SUMF1: variants seen among roughly 807,000 people sequenced by gnomAD.
SUMF1 encodes formylglycine-generating enzyme.
A neutral mutation model predicts 47.6 loss-of-function variants in SUMF1; 48 were observed. The ratio of observed to expected loss-of-function variants is 1.01; its 90% confidence interval spans 0.80 to 1.28. SUMF1 has a LOEUF of 1.28. Ranked by LOEUF, SUMF1 falls within the 50% of genes most tolerant of loss-of-function variation. The pLI, the probability that SUMF1 is intolerant of heterozygous loss-of-function variation, is 0.00. For synonymous variants in SUMF1, 230 were observed against 192.1 expected, an observed-to-expected ratio of 1.20 and a Z score of -1.63; for missense variants, 571 against 485.4, an observed-to-expected ratio of 1.18 and a Z score of -1.66.
At chr3:4,170,662 T>C (rs576216535) in intron 8 of SUMF1, among the ~76,000 whole-genome samples, 2 of 152,028 alleles carry the variant, frequency 1.3e-5, no homozygotes, top group East Asian at 1.9e-4. Context: ...GAGTAGAGAG[T>C]CTGGGATTAA....
chr3:4,320,480 C>T (rs1403010812), intron 8 of SUMF1, among the ~76,000 whole-genome samples: 3 of 151,978 alleles, frequency 2.0e-5, no homozygotes, highest in African/African-American at 7.3e-5. Context: ...CAAATGGAAG[C>T]CTCAGAAAAA....
chr3:4,036,849 CAAAAAAAAAAAAAAA>C (rs3048145), intron 9 of SUMF1, among the ~76,000 whole-genome samples: 67 of 75,154 alleles, frequency 8.9e-4, no homozygotes, highest in African/African-American at 3.5e-3. Flanking sequence ...GTCAGTGAGG[CAAAAAAAAAAAAAAA>C]AAAAAAAAAG....
chr3:4,236,530 G>A (rs911683496), intron 8 of SUMF1, among the ~76,000 whole-genome samples: 1 of 152,102 alleles, frequency 6.6e-6, no homozygotes, highest in Admixed American at 6.6e-5. Context: ...GAAGCAGGAG[G>A]ATCACTTGAA....
chr3:4,431,275 C>G (rs1702223877), intron 3 of SUMF1, among the ~76,000 whole-genome samples: 1 of 152,232 alleles, frequency 6.6e-6, no homozygotes, highest in South Asian at 2.1e-4. Flanking sequence ...ATTTGGCACA[C>G]TTTCCTCTGA....
chr3:4,285,357 G>C (rs1303877258), intron 8 of SUMF1, among the ~76,000 whole-genome samples: 2 of 152,060 alleles, frequency 1.3e-5, no homozygotes. Context: ...TAATAAAGTG[G>C]CTAAAGCTAA....
At chr3:4,216,000 A>C (rs1695914652) in intron 8 of SUMF1, among the ~76,000 whole-genome samples, 1 of 152,198 alleles carries the variant, frequency 6.6e-6, no homozygotes, top group South Asian at 2.1e-4. Flanking sequence ...TATCCCCATC[A>C]AGCTACCACT....
intron 3 of SUMF1, among the ~76,000 whole-genome samples, chr3:4,425,502 GC>G (rs1702040381): frequency 6.6e-6 from 1 of 152,020 alleles, no homozygotes; most frequent in African/African-American, 2.4e-5. Context: ...TTCAGCTTGA[GC>G]CCCCTCCACC....
intron 1 of SUMF1, among the ~76,000 whole-genome samples, chr3:4,456,998 GTA>G (rs1284250150): frequency 1.7e-4 from 22 of 127,642 alleles, no homozygotes; most frequent in Admixed American, 1.2e-3. Context: ...ATACGTGTGT[GTA>G]TATATATACG....
At chr3:4,076,990 C>T (rs1237749886) in intron 8 of SUMF1, among the ~76,000 whole-genome samples, 2 of 151,744 alleles carry the variant, frequency 1.3e-5, no homozygotes, top group Non-Finnish European at 2.9e-5. Flanking sequence ...GGCAACAGAG[C>T]GAGACTCCAT....
chr3:4,261,109 A>C (rs1697076457), intron 8 of SUMF1, among the ~76,000 whole-genome samples: 1 of 152,228 alleles, frequency 6.6e-6, no homozygotes, highest in African/African-American at 2.4e-5. Context: ...AGGTCCACAG[A>C]GTATAAAGAC....
intron 8 of SUMF1, among the ~76,000 whole-genome samples, chr3:4,145,133 C>T (rs961391891): frequency 1.4e-5 from 2 of 143,956 alleles, no homozygotes; most frequent in Admixed American, 1.5e-4. Context: ...GCGGAGCTTG[C>T]AGTGAGCGGC....
chr3:4,273,081 A>AATATATATACACACATATATATATACAT (rs1340305123), intron 8 of SUMF1, among the ~76,000 whole-genome samples: 3 of 149,556 alleles, frequency 2.0e-5, no homozygotes, highest in South Asian at 2.1e-4. Flanking sequence ...CATATATATA[A>AATATATATACACACATATATATATACAT]ATATATATAC....
At chr3:4,169,166 C>T (rs1271680897) in intron 8 of SUMF1, among the ~76,000 whole-genome samples, 1 of 152,082 alleles carries the variant, frequency 6.6e-6, no homozygotes, top group African/African-American at 2.4e-5. Context: ...GGCAAATTCA[C>T]ATGTGAAGAT....
intron 1 of SUMF1, among the ~76,000 whole-genome samples, chr3:4,466,164 T>G (rs942086511): frequency 6.6e-6 from 1 of 151,950 alleles, no homozygotes; most frequent in African/African-American, 2.4e-5. Context: ...CAGGCTGGAG[T>G]GCAGTGGCAA....
intron 7 of SUMF1, among the ~76,000 whole-genome samples, chr3:4,382,171 AC>A (rs1700524251): frequency 6.6e-6 from 1 of 152,246 alleles, no homozygotes. Context: ...GATGGTTCAG[AC>A]TGACAATGCC....
chr3:4,279,070 TAAACA>T (rs931278136), intron 8 of SUMF1, among the ~76,000 whole-genome samples: 1 of 152,126 alleles, frequency 6.6e-6, no homozygotes. Context: ...AAATTTTTTT[TAAACA>T]AAACAAAACT....
At chr3:4,402,209 C>T (rs1449732122) in intron 7 of SUMF1, among the ~76,000 whole-genome samples, 1 of 152,158 alleles carries the variant, frequency 6.6e-6, no homozygotes, top group Non-Finnish European at 1.5e-5. Context: ...AAAATCCTTT[C>T]ACCACTTACC....
intron 8 of SUMF1, among the ~76,000 whole-genome samples, chr3:4,212,719 G>C (rs1271857382): frequency 1.3e-5 from 2 of 152,132 alleles, no homozygotes. Context: ...GAACATAAAT[G>C]ATCTAATGGA....
rs775133407 is a variant in SUMF1 at position 4,395,706 on chromosome 3, C to A, written c.954+15159G>T. ...TGTTTCACCCACACCAGATTAGAAACGAAGAGAATTTTTGAAATTGTATTA... is the reference window on the plus strand; with the variant it reads ...TGTTTCACCCACACCAGATTAGAAAAGAAGAGAATTTTTGAAATTGTATTA... On this transcript the variant is annotated intron_variant, in intron 7 of 8. Transcript: ENST00000272902. Among the ~76,000 whole-genome samples, 3 of 152,112 alleles carry A rather than the reference C, an allele frequency of 2.0e-5. No individual in the cohort carries two copies. The East Asian group carries it at 5.8e-4, about 29-fold the overall frequency.
Sources: gnomAD v4.1 joint callset for allele counts (sites outside exome capture counted in the v4.1 genomes callset) on GRCh38, gnomAD v4.1.1 for gene constraint, MANE v1.5 for transcripts, NCBI Gene and HGNC (gene_info 2026-07-23, HGNC 2026-07-21) for gene names.